The following PTP4A3 variants were observed in gnomAD, a reference collection of about 807,000 sequenced individuals.
PTP4A3 encodes the protein protein tyrosine phosphatase 4A3.
In PTP4A3, 9 loss-of-function variants were observed where a neutral mutation model predicts 15.2. The ratio of observed to expected loss-of-function variants is 0.59; its 90% CI spans 0.36 to 1.03. The LOEUF (loss-of-function observed/expected upper bound fraction) is 1.03. Among genes scored for constraint, PTP4A3 ranks in the 50% least tolerant of loss-of-function variants. PTP4A3 has a pLI of 0.02. For missense variants in PTP4A3, 234 were observed against 252.1 expected, an observed-to-expected ratio of 0.93 and a Z score of 0.49; for synonymous variants, 95 against 102.0, an observed-to-expected ratio of 0.93 and a Z score of 0.41.
intron 1 of PTP4A3, among the ~76,000 whole-genome samples, chr8:141,398,141 C>T (rs1225449814): frequency 6.6e-6 from 1 of 152,154 alleles, no homozygotes; most frequent in Non-Finnish European, 1.5e-5. Flanking sequence ...CTTGGCCTAG[C>T]CAGTGCTCAG....
At chr8:141,403,379 G>C (rs1215001864) in intron 1 of PTP4A3, among the ~76,000 whole-genome samples, 1 of 152,228 alleles carries the variant, frequency 6.6e-6, no homozygotes, top group Non-Finnish European at 1.5e-5. Context: ...CGAGCCTGGG[G>C]AGATGGCCTG....
intron 5 of PTP4A3, among the ~76,000 whole-genome samples, chr8:141,430,183 G>T (rs563756567): frequency 1.3e-5 from 2 of 148,434 alleles, no homozygotes; most frequent in African/African-American, 5.0e-5. Flanking sequence ...CCGGGTCCCC[G>T]CTGTAAGGAC....
chr8:141,397,741 A>C (rs1832489469), intron 1 of PTP4A3, among the ~76,000 whole-genome samples: 1 of 152,220 alleles, frequency 6.6e-6, no homozygotes, highest in Non-Finnish European at 1.5e-5. Context: ...CTTTCTGGAT[A>C]GTTCAGAGAG....
intron 1 of PTP4A3, among the ~76,000 whole-genome samples, chr8:141,412,386 C>T (rs917430929): frequency 6.6e-6 from 1 of 152,190 alleles, no homozygotes; most frequent in Non-Finnish European, 1.5e-5. Flanking sequence ...GGCTCCCCTG[C>T]TAGAGGGCAG....
intron 1 of PTP4A3, among the ~76,000 whole-genome samples, chr8:141,398,135 G>A (rs1025078398): frequency 6.6e-6 from 1 of 152,184 alleles, no homozygotes; most frequent in African/African-American, 2.4e-5. Flanking sequence ...CCAGGGCTTG[G>A]CCTAGCCAGT....
chr8:141,397,221 T>C (rs9693388), intron 1 of PTP4A3, among the ~76,000 whole-genome samples: 33,640 of 152,180 alleles, frequency 0.22, 9,334 homozygotes, highest in African/African-American at 0.66. Context: ...TGTGCCAACC[T>C]CATCCTGGTG....
At chr8:141,413,596 A>T (rs1239305504) in intron 1 of PTP4A3, among the ~76,000 whole-genome samples, 4 of 151,946 alleles carry the variant, frequency 2.6e-5, no homozygotes, top group Non-Finnish European at 5.9e-5. Flanking sequence ...GGGGGCAGGG[A>T]GGGTTAGGGC....
intron 1 of PTP4A3, among the ~76,000 whole-genome samples, chr8:141,407,199 C>G (rs976339311): frequency 6.6e-6 from 1 of 152,234 alleles, no homozygotes; most frequent in Non-Finnish European, 1.5e-5. Context: ...ACATGCTGGC[C>G]TGGACTCTCA....
chr8:141,399,192 A>C (rs1832524862), intron 1 of PTP4A3, among the ~76,000 whole-genome samples: 1 of 152,094 alleles, frequency 6.6e-6, no homozygotes, highest in African/African-American at 2.4e-5. Context: ...TTGCCCCTAG[A>C]GCCGGTGCCT....
chr8:141,410,074 C>T (rs1832828334), intron 1 of PTP4A3, among the ~76,000 whole-genome samples: 1 of 152,258 alleles, frequency 6.6e-6, no homozygotes, highest in Non-Finnish European at 1.5e-5. Context: ...CTGCCCAGCC[C>T]CTGCTGCGGA....
At chr8:141,419,571 GTT>G (rs66940476) in intron 1 of PTP4A3, among the ~76,000 whole-genome samples, 73 of 132,142 alleles carry the variant, frequency 5.5e-4, no homozygotes, top group African/African-American at 1.6e-3. Flanking sequence ...CCCACCACCG[GTT>G]TTTTTTTTTT....
intron 1 of PTP4A3, among the ~76,000 whole-genome samples, chr8:141,408,126 G>A (rs2129911486): frequency 6.6e-6 from 1 of 152,308 alleles, no homozygotes; most frequent in South Asian, 2.1e-4. Flanking sequence ...GGGCCACGTG[G>A]TGTGTGAGGC....
intron 1 of PTP4A3, among the ~76,000 whole-genome samples, chr8:141,413,168 C>T (rs1832914614): frequency 6.6e-6 from 1 of 152,160 alleles, no homozygotes; most frequent in Admixed American, 6.5e-5. Context: ...GCCAGGGAGG[C>T]CCTGAACTCT....
At chr8:141,428,822 G>A (rs1186804511) in intron 5 of PTP4A3, among the ~76,000 whole-genome samples, 2 of 152,212 alleles carry the variant, frequency 1.3e-5, no homozygotes, top group Non-Finnish European at 2.9e-5. Context: ...ACAGGCAGGT[G>A]TGTGAACACA....
At chr8:141,398,404 G>A (rs73713615) in intron 1 of PTP4A3, among the ~76,000 whole-genome samples, 1,827 of 152,260 alleles carry the variant, frequency 0.012, 40 homozygotes, top group African/African-American at 0.041. Flanking sequence ...GCAGACGGGC[G>A]TCTGGGAACA....
chr8:141,398,869 G>A (rs1832514521), intron 1 of PTP4A3, among the ~76,000 whole-genome samples: 1 of 152,074 alleles, frequency 6.6e-6, no homozygotes, highest in Admixed American at 6.5e-5. Flanking sequence ...GGAGCTGCAG[G>A]AGCCTGTTCC....
intron 5 of PTP4A3, among the ~76,000 whole-genome samples, chr8:141,429,412 A>G (rs1015130357): frequency 6.6e-6 from 1 of 152,250 alleles, no homozygotes; most frequent in Admixed American, 6.5e-5. Flanking sequence ...AGGGCCTCTC[A>G]GGTGTGGCTG....
At chr8:141,398,526 G>A (rs764590786) in intron 1 of PTP4A3, among the ~76,000 whole-genome samples, 3 of 152,158 alleles carry the variant, frequency 2.0e-5, no homozygotes, top group South Asian at 2.1e-4. Context: ...CAGGGCCTGC[G>A]GGGATCAGAT....
intron 1 of PTP4A3, among the ~76,000 whole-genome samples, chr8:141,420,637 G>A (rs535692078): frequency 1.3e-5 from 2 of 152,354 alleles, no homozygotes; most frequent in African/African-American, 4.8e-5. Flanking sequence ...GCCCATTGGC[G>A]TGTTCTGTCC....
Sources: gnomAD v4.1 joint callset for allele counts (sites outside exome capture counted in the v4.1 genomes callset) on GRCh38, gnomAD v4.1.1 for gene constraint, MANE v1.5 for transcripts, NCBI Gene and HGNC (gene_info 2026-07-23, HGNC 2026-07-21) for gene names.